Variants in CTDSPL observed in about 807,000 individuals in gnomAD.
CTDSPL encodes the protein CTD small phosphatase like.
A neutral mutation model predicts 30.5 loss-of-function variants in CTDSPL; 8 were observed. That is an observed-to-expected ratio of 0.26 (90% CI 0.15 to 0.47). CTDSPL has a LOEUF of 0.47. Ranked by LOEUF, CTDSPL falls within the 20% of genes least tolerant of loss-of-function variation. The pLI, the probability that CTDSPL is intolerant of heterozygous loss-of-function variation, is 0.99. For synonymous variants in CTDSPL, 110 were observed against 137.9 expected (o/e 0.80, Z 1.42); for missense variants, 248 against 366.1 (o/e 0.68, Z 2.63).
rs1254808084 is a variant in CTDSPL at position 37,971,394 on chromosome 3, C to T, written c.427-13C>T. ...GCCACATCTGACCAGCCTGCTGTCT[C>T]CTGCCATTGCAGGTGTATGTGCTGA... On this transcript the variant is annotated splice_polypyrimidine_tract_variant and intron_variant, in intron 5 of 7. Coordinates refer to ENST00000273179, the MANE Select transcript of CTDSPL (RefSeq NM_001008392.2). 1 of 1,612,768 alleles carries T rather than the reference C, an allele frequency of 6.2e-7. No individual in the cohort carries two copies. Among genetic ancestry groups the T allele is most frequent in the Non-Finnish European group, 8.5e-7 (1 of 1,179,256 alleles).
intron 1 of CTDSPL, among the ~76,000 whole-genome samples, chr3:37,940,756 C>T (rs375646173): frequency 6.7e-6 from 1 of 150,084 alleles, no homozygotes; most frequent in East Asian, 1.9e-4. Flanking sequence ...AGAGTGGTTC[C>T]CCAGAGGAAA....
At chr3:37,901,691 A>T (rs1698452192) in intron 1 of CTDSPL, among the ~76,000 whole-genome samples, 1 of 152,190 alleles carries the variant, frequency 6.6e-6, no homozygotes, top group South Asian at 2.1e-4. Context: ...CAATGGAAAT[A>T]TGCAGAGAAG....
chr3:37,977,530 T>G (rs1212555784), intron 7 of CTDSPL, among the ~76,000 whole-genome samples: 4 of 152,158 alleles, frequency 2.6e-5, no homozygotes, highest in Non-Finnish European at 5.9e-5. Flanking sequence ...CCACCTTATA[T>G]CCTCTAAACA....
At chr3:37,957,066 CT>C in intron 2 of CTDSPL, 44 bp from the exon 3 acceptor site, 1 of 1,534,338 alleles carries the variant, frequency 6.5e-7, no homozygotes, top group Non-Finnish European at 9.0e-7. Flanking sequence ...AGAATATGAT[CT>C]TCTCTTCGAA....
intron 6 of CTDSPL, among the ~76,000 whole-genome samples, chr3:37,974,752 A>T (rs1699406267): frequency 6.6e-6 from 1 of 152,164 alleles, no homozygotes; most frequent in Non-Finnish European, 1.5e-5. Context: ...GTGGATGGGC[A>T]TCTATGGGAG....
At chr3:37,899,198 C>T (rs975508754) in intron 1 of CTDSPL, among the ~76,000 whole-genome samples, 6 of 152,124 alleles carry the variant, frequency 3.9e-5, no homozygotes, top group Non-Finnish European at 8.8e-5. Flanking sequence ...AAACTTGAGA[C>T]CTACAAGCAT....
chr3:37,888,065 G>C (rs1180610919), intron 1 of CTDSPL, among the ~76,000 whole-genome samples: 3 of 152,178 alleles, frequency 2.0e-5, no homozygotes, highest in Admixed American at 6.5e-5. Context: ...TGGAGTGAAG[G>C]CTGTGCGAGA....
chr3:37,884,752 A>G (rs1362191952), intron 1 of CTDSPL, among the ~76,000 whole-genome samples: 2 of 151,756 alleles, frequency 1.3e-5, no homozygotes, highest in African/African-American at 2.4e-5. Flanking sequence ...GGAGGAAAAG[A>G]TGATTGAAGA....
chr3:37,956,663 ACCAGGGGGTCATT>A (rs1699176803), intron 2 of CTDSPL, among the ~76,000 whole-genome samples: 1 of 152,136 alleles, frequency 6.6e-6, no homozygotes, highest in Non-Finnish European at 1.5e-5. Context: ...TCCTGGAATG[ACCAGGGGGTCATT>A]GTAATCTGGT....
At chr3:37,898,871 C>T (rs1698418050) in intron 1 of CTDSPL, among the ~76,000 whole-genome samples, 1 of 152,114 alleles carries the variant, frequency 6.6e-6, no homozygotes, top group Non-Finnish European at 1.5e-5. Context: ...GTCAGAGAAG[C>T]CTCATATCTT....
At chr3:37,918,579 G>A (rs764306953) in intron 1 of CTDSPL, among the ~76,000 whole-genome samples, 2 of 151,932 alleles carry the variant, frequency 1.3e-5, no homozygotes, top group Non-Finnish European at 2.9e-5. Context: ...CATATTAATC[G>A]GTTCTCACAA....
intron 1 of CTDSPL, among the ~76,000 whole-genome samples, chr3:37,945,889 A>G (rs188041950): frequency 4.5e-4 from 68 of 152,340 alleles, no homozygotes; most frequent in African/African-American, 1.6e-3. Context: ...GAGCACCCCC[A>G]AAACATTCAG....
At chr3:37,957,227 T>A (rs1174000747) in intron 3 of CTDSPL, 84 bp downstream of exon 3, 33 of 897,366 alleles carry the variant, frequency 3.7e-5, no homozygotes, top group Non-Finnish European at 5.2e-5. Flanking sequence ...GGATTTTTTT[T>A]AATGTTATTG....
At chr3:37,866,995 T>G (rs998844539) in intron 1 of CTDSPL, among the ~76,000 whole-genome samples, 1 of 152,198 alleles carries the variant, frequency 6.6e-6, no homozygotes, top group African/African-American at 2.4e-5. Flanking sequence ...ACTGACATCT[T>G]GTAAAACTGT....
intron 1 of CTDSPL, among the ~76,000 whole-genome samples, chr3:37,907,855 T>A (rs1698535491): frequency 6.6e-6 from 1 of 152,150 alleles, no homozygotes; most frequent in Admixed American, 6.5e-5. Context: ...GGAGGTGGGC[T>A]GTGAGGATAA....
chr3:37,953,375 A>C (rs553546719), intron 2 of CTDSPL, among the ~76,000 whole-genome samples: 1 of 152,186 alleles, frequency 6.6e-6, no homozygotes, highest in African/African-American at 2.4e-5. Context: ...AAAACTCAGA[A>C]AAACATGCCT....
chr3:37,927,706 A>ATATAT (rs61251867), intron 1 of CTDSPL, among the ~76,000 whole-genome samples: 5 of 144,530 alleles, frequency 3.5e-5, no homozygotes, highest in African/African-American at 1.1e-4. Flanking sequence ...ATATATATAT[A>ATATAT]AAAAATGAAA....
intron 1 of CTDSPL, among the ~76,000 whole-genome samples, chr3:37,913,813 A>C (rs1575295501): frequency 6.6e-6 from 1 of 152,208 alleles, no homozygotes; most frequent in Non-Finnish European, 1.5e-5. Flanking sequence ...TTTCTATTCC[A>C]TTACACTGCT....
At chr3:37,958,169 G>A (rs73825448) in intron 3 of CTDSPL, among the ~76,000 whole-genome samples, 36 of 152,256 alleles carry the variant, frequency 2.4e-4, no homozygotes, top group African/African-American at 8.4e-4. Flanking sequence ...CAAAGGCTTT[G>A]GTAGTACATG....
Sources: allele counts gnomAD v4.1 joint callset (sites outside exome capture counted in the v4.1 genomes callset), GRCh38; gene constraint gnomAD v4.1.1; transcripts MANE v1.5; gene names NCBI Gene and HGNC (gene_info 2026-07-23, HGNC 2026-07-21).